The following ASIC5 variants were observed in gnomAD, a reference collection of about 807,000 sequenced individuals.
The protein encoded by ASIC5 is acid sensing ion channel subunit family member 5, also known as bile acid-sensitive ion channel.
In ASIC5, 52 loss-of-function variants were observed where a neutral mutation model predicts 51.2. That is an observed-to-expected ratio of 1.02 (90% CI 0.81 to 1.28). ASIC5 has a LOEUF of 1.28. Ranked by LOEUF, ASIC5 falls within the 50% of genes most tolerant of loss-of-function variation. ASIC5 has a pLI of 0.00. For missense variants in ASIC5, 635 were observed against 595.0 expected (o/e 1.07, Z -0.70); for synonymous variants, 231 against 200.7 (o/e 1.15, Z -1.28).
At chr4:155,842,131 C>A in intron 6 of ASIC5, 76 bp downstream of exon 6, 2 of 1,369,910 alleles carry the variant, frequency 1.5e-6, no homozygotes, top group Non-Finnish European at 2.0e-6. Flanking sequence ...TACTCTATTT[C>A]TCCCAGACCT....
At chr4:155,857,405 C>T (rs891463381) in intron 2 of ASIC5, among the ~76,000 whole-genome samples, 3 of 152,014 alleles carry the variant, frequency 2.0e-5, no homozygotes, top group Non-Finnish European at 4.4e-5. Flanking sequence ...ATTATAGGCA[C>T]TAGCCACTGT....
At chr4:155,837,487 C>T (rs1383739969) in intron 7 of ASIC5, among the ~76,000 whole-genome samples, 3 of 152,102 alleles carry the variant, frequency 2.0e-5, no homozygotes, top group African/African-American at 7.2e-5. Context: ...TCCAGCTTCC[C>T]TTTGGACCAC....
chr4:155,851,355 A>G (rs1219792271), intron 4 of ASIC5, among the ~76,000 whole-genome samples: 1 of 152,038 alleles, frequency 6.6e-6, no homozygotes, highest in Admixed American at 6.6e-5. Context: ...AGAGTACATT[A>G]CTGGAAATTC....
chr4:155,853,986 A>G (rs1741455362), intron 3 of ASIC5, 91 bp downstream of exon 3: 2 of 959,382 alleles, frequency 2.1e-6, no homozygotes, highest in African/African-American at 1.6e-5. Flanking sequence ...TTGATTCACC[A>G]TGGGAGTAAA....
At chr4:155,839,348 TACACAC>T (rs60209135) in intron 6 of ASIC5, among the ~76,000 whole-genome samples, 16,130 of 147,290 alleles carry the variant, frequency 0.11, 1,027 homozygotes, top group African/African-American at 0.16. Flanking sequence ...TCTATCCATT[TACACAC>T]ACACACACAC....
chr4:155,852,299 G>A lies in ASIC5; in HGVS notation c.603C>T (p.Phe201=). The A allele has an allele frequency of 6.3e-7, 1 of 1,587,778 alleles. No individual in the cohort carries two copies. The highest frequency in any genetic ancestry group is 8.5e-7 in the Non-Finnish European group (1 of 1,171,360). The part of the protein sequence containing the change: ...PCSPKDFAHV[F]TEYGNCFTFN... Reference sequence around the variant, plus strand: ...AAGTAAAACAATTTCCATATTCAGTGAAGACATGTGCAAAATCCTCCAATA... The same window carrying A: ...AAGTAAAACAATTTCCATATTCAGTAAAGACATGTGCAAAATCCTCCAATA... Residue 201 remains phenylalanine (F), a synonymous_variant, in exon 4 of 10, where the codon TTC becomes TTT. Transcript: ENST00000537611.
At chr4:155,850,542 A>C (rs1741357282) in intron 4 of ASIC5, among the ~76,000 whole-genome samples, 1 of 151,994 alleles carries the variant, frequency 6.6e-6, no homozygotes, top group Non-Finnish European at 1.5e-5. Context: ...TTCTCAATTG[A>C]CATTCATTGC....
chr4:155,863,348 A>AG (rs1231761873), intron 2 of ASIC5, 100 bp downstream of exon 2: 23 of 943,122 alleles, frequency 2.4e-5, no homozygotes, highest in Non-Finnish European at 3.6e-5. Context: ...GGTTTTACAT[A>AG]TGATAAGTTC....
rs79345515 is a variant in ASIC5 at position 155,835,353 on chromosome 4, T to C, written c.1235+1336A>G. Among the ~76,000 whole-genome samples, 959 of 151,724 alleles carry C rather than the reference T, an allele frequency of 6.3e-3. 6 individuals carry two copies. Among genetic ancestry groups the C allele is most frequent in the Non-Finnish European group, 0.01 (712 of 67,956 alleles). The stretch of plus-strand genomic sequence containing the variant: ...ACCGAACAGGCGAGCAACACCCTGT[T>C]GCACATTTTGCAAGGGGAATCAGAG... On this transcript the variant is annotated intron_variant, in intron 8 of 9. Coordinates refer to ENST00000537611, the MANE Select transcript of ASIC5 (RefSeq NM_017419.3).
chr4:155,848,864 T>G (rs561592264), intron 4 of ASIC5, among the ~76,000 whole-genome samples: 3 of 152,256 alleles, frequency 2.0e-5, no homozygotes, highest in African/African-American at 7.2e-5. Flanking sequence ...AAATGTTTGC[T>G]GATCCTTTGT....
At chr4:155,858,503 A>ATTTCC (rs1741605070) in intron 2 of ASIC5, among the ~76,000 whole-genome samples, 1 of 152,132 alleles carries the variant, frequency 6.6e-6, no homozygotes, top group East Asian at 1.9e-4. Flanking sequence ...ATTTCTGTGT[A>ATTTCC]AAACTAAAGA....
At chr4:155,859,958 T>C (rs1741654689) in intron 2 of ASIC5, among the ~76,000 whole-genome samples, 1 of 152,030 alleles carries the variant, frequency 6.6e-6, no homozygotes, top group Admixed American at 6.6e-5. Context: ...ATACACATAT[T>C]TGTAGCTAGA....
intron 2 of ASIC5, among the ~76,000 whole-genome samples, chr4:155,861,763 G>A (rs1053099118): frequency 1.4e-4 from 21 of 151,872 alleles, no homozygotes; most frequent in African/African-American, 4.6e-4. Flanking sequence ...CTTGGCTTGT[G>A]GCAAAACCTT....
In ASIC5 at chr4:155,845,408, T is replaced by TG. The variant is rs1351586737; in HGVS notation, c.712-1579_712-1578insC. ...CTTTGTCTTTTTTTTGAGCAAAAGT[T>TG]TTTTTTTTCCTTCAGTTGACTGAAT... is the stretch of plus-strand genomic sequence containing the variant. On this transcript the variant is annotated intron_variant, in intron 4 of 9. Transcript: ENST00000537611. 2.4e-4 allele frequency among the ~76,000 whole-genome samples: 36 copies of TG among 151,104 alleles called. 1 individual carries two copies. The highest frequency in any genetic ancestry group is 2.4e-3 in the Admixed American group (36 of 15,144).
intron 7 of ASIC5, among the ~76,000 whole-genome samples, chr4:155,838,108 C>G (rs1234737239): frequency 6.6e-6 from 1 of 152,160 alleles, no homozygotes; most frequent in African/African-American, 2.4e-5. Context: ...CCTTTTAAAT[C>G]TATTCCTGCT....
Position 155,835,759 on chromosome 4 carries a change from G to A in ASIC5, c.1235+930C>T, listed in dbSNP as rs547424018. 8.7e-4 allele frequency among the ~76,000 whole-genome samples: 133 copies of A among 152,134 alleles called. 3 individuals are homozygous for A. Among genetic ancestry groups the A allele is most frequent in the Non-Finnish European group, 1.5e-3 (100 of 68,010 alleles). On this transcript the variant is annotated intron_variant, in intron 8 of 9. Transcript: ENST00000537611. ...TCTGCTGTTTGAAATCACTCCATTAGCCCTGTTTTGATGAAAATGCTTTTT... is the reference window on the plus strand; with the variant it reads ...TCTGCTGTTTGAAATCACTCCATTAACCCTGTTTTGATGAAAATGCTTTTT...
intron 8 of ASIC5, among the ~76,000 whole-genome samples, chr4:155,832,302 A>C (rs1344741994): frequency 6.6e-6 from 1 of 152,234 alleles, no homozygotes; most frequent in Non-Finnish European, 1.5e-5. Flanking sequence ...TTTCCTCAAG[A>C]GTAGTCAGGA....
At chr4:155,854,609 T>G (rs1741479557) in intron 2 of ASIC5, 1 of 376,974 alleles carries the variant, frequency 2.7e-6, no homozygotes, top group South Asian at 4.4e-5. Context: ...ATATAGTTGT[T>G]AAAAATGCAT....
chr4:155,840,857 G>T (rs1741100959), intron 6 of ASIC5, among the ~76,000 whole-genome samples: 1 of 151,940 alleles, frequency 6.6e-6, no homozygotes, highest in African/African-American at 2.4e-5. Context: ...CTTGAGATAT[G>T]TTGCAGACCC....
Sources: allele counts gnomAD v4.1 joint callset (sites outside exome capture counted in the v4.1 genomes callset), GRCh38; gene constraint gnomAD v4.1.1; transcripts MANE v1.5; gene names NCBI Gene and HGNC (gene_info 2026-07-23, HGNC 2026-07-21).